AGMO: variants seen among roughly 807,000 people sequenced by gnomAD.
AGMO encodes alkylglycerol monooxygenase.
AGMO carries 75 observed loss-of-function variants against 60.2 expected under a neutral mutation model. That is an observed-to-expected ratio of 1.25 (90% CI 1.03 to 1.51). The LOEUF (loss-of-function observed/expected upper bound fraction) is 1.51, where lower values mean the gene tolerates loss of function less well. AGMO is among the 40% of genes most tolerant of loss of function. The probability of loss-of-function intolerance (pLI) is 0.00; values close to 1 mark genes in which losing one functional copy is unlikely to be tolerated. For synonymous variants in AGMO, 261 were observed against 177.1 expected (o/e 1.47, Z -3.76); for missense variants, 763 against 525.5 (o/e 1.45, Z -4.42).
At chr7:15,546,000 G>A (rs1389753730) in intron 2 of AGMO, among the ~76,000 whole-genome samples, 2 of 152,010 alleles carry the variant, frequency 1.3e-5, no homozygotes, top group African/African-American at 2.4e-5. Flanking sequence ...AAGAAGTGGT[G>A]CAGATTATTA....
chr7:15,394,319 C>G, intron 5 of AGMO, 140 bp from the exon 6 acceptor site: 1 of 659,368 alleles, frequency 1.5e-6, no homozygotes, highest in Non-Finnish European at 2.6e-6. Context: ...GAAAAAAGTT[C>G]CACTGAAATC....
intron 12 of AGMO, among the ~76,000 whole-genome samples, chr7:15,205,699 T>A (rs1383009952): frequency 6.6e-6 from 1 of 152,154 alleles, no homozygotes; most frequent in East Asian, 1.9e-4. Context: ...ATTGAAGGGT[T>A]ATTACTATTT....
the AGMO span, among the ~76,000 whole-genome samples, chr7:15,141,536 T>C: frequency 3.9e-5 from 6 of 152,096 alleles, no homozygotes; most frequent in Non-Finnish European, 7.4e-5. Flanking sequence ...CAGTGAGCAG[T>C]GATCGTGCCA....
At chr7:15,485,945 G>T (rs1409567271) in intron 3 of AGMO, among the ~76,000 whole-genome samples, 1 of 152,054 alleles carries the variant, frequency 6.6e-6, no homozygotes, top group Admixed American at 6.6e-5. Flanking sequence ...TCTCATTCAA[G>T]TGAAGTTCAA....
At chr7:15,251,739 G>T (rs370584618) in intron 12 of AGMO, among the ~76,000 whole-genome samples, 32 of 152,276 alleles carry the variant, frequency 2.1e-4, no homozygotes, top group African/African-American at 7.7e-4. Context: ...CAGCCATGTA[G>T]AAGATAACAG....
intron 12 of AGMO, among the ~76,000 whole-genome samples, chr7:15,272,049 C>CT (rs1355893689): frequency 6.6e-6 from 1 of 152,082 alleles, no homozygotes; most frequent in Non-Finnish European, 1.5e-5. Flanking sequence ...GATGAATTAT[C>CT]TTTTTGATGT....
chr7:15,186,204 A>G, the AGMO span, among the ~76,000 whole-genome samples: 1 of 152,218 alleles, frequency 6.6e-6, no homozygotes, highest in African/African-American at 2.4e-5. Context: ...AGCTTTGTTC[A>G]TGAGTTCCAG....
chr7:15,162,934 C>G, the AGMO span, among the ~76,000 whole-genome samples: 2 of 152,030 alleles, frequency 1.3e-5, no homozygotes, highest in South Asian at 2.1e-4. Flanking sequence ...ACTATGTTGA[C>G]TCTTGTAATG....
the AGMO span, among the ~76,000 whole-genome samples, chr7:15,194,627 G>A: frequency 0.011 from 1,655 of 152,188 alleles, 43 homozygotes; most frequent in African/African-American, 0.039. Context: ...AATATAAGTT[G>A]ATAAACATTT....
intron 12 of AGMO, among the ~76,000 whole-genome samples, chr7:15,287,396 C>A (rs575779017): frequency 7.2e-5 from 11 of 152,080 alleles, no homozygotes; most frequent in Non-Finnish European, 1.3e-4. Flanking sequence ...CTCCTCACCA[C>A]GCAGAGAAAC....
the AGMO span, among the ~76,000 whole-genome samples, chr7:15,170,764 T>G: frequency 6.6e-6 from 1 of 152,254 alleles, no homozygotes; most frequent in South Asian, 2.1e-4. Flanking sequence ...CCTTTTCCTG[T>G]TCCAGGATCC....
the AGMO span, among the ~76,000 whole-genome samples, chr7:15,172,276 G>A: frequency 5.9e-5 from 9 of 152,274 alleles, no homozygotes; most frequent in Non-Finnish European, 8.8e-5. Context: ...TAGAGGATAC[G>A]TCCCCAGACA....
At chr7:15,393,635 G>A (rs1784242631) in intron 6 of AGMO, among the ~76,000 whole-genome samples, 1 of 152,128 alleles carries the variant, frequency 6.6e-6, no homozygotes, top group Non-Finnish European at 1.5e-5. Context: ...TTTCTCGTCA[G>A]GGAAACGCAG....
intron 12 of AGMO, among the ~76,000 whole-genome samples, chr7:15,326,240 C>A (rs950548343): frequency 1.1e-4 from 17 of 152,082 alleles, no homozygotes; most frequent in African/African-American, 3.9e-4. Context: ...GGAGCCCAGG[C>A]ATCTATATGG....
At chr7:15,131,053 C>CTG in the AGMO span, among the ~76,000 whole-genome samples, 10,221 of 149,818 alleles carry the variant, frequency 0.068, 403 homozygotes, top group African/African-American at 0.11. Context: ...GCTTGTATTT[C>CTG]TGTGTGTGTG....
At chr7:15,404,456 T>G (rs997357420) in intron 5 of AGMO, among the ~76,000 whole-genome samples, 2 of 151,922 alleles carry the variant, frequency 1.3e-5, no homozygotes. Flanking sequence ...ATAAGTTATT[T>G]TGTTATTTTT....
At chr7:15,324,789 T>C (rs1033808224) in intron 12 of AGMO, among the ~76,000 whole-genome samples, 1 of 152,114 alleles carries the variant, frequency 6.6e-6, no homozygotes, top group Non-Finnish European at 1.5e-5. Flanking sequence ...CATTTCACAA[T>C]AGAGTTCGAG....
chr7:15,462,544 A>G (rs1011890672), intron 3 of AGMO, among the ~76,000 whole-genome samples: 4 of 152,158 alleles, frequency 2.6e-5, no homozygotes, highest in Admixed American at 2.6e-4. Flanking sequence ...TAAAAATAAA[A>G]GTTAATAGGC....
chr7:15,529,651 A>G (rs1472020973), intron 3 of AGMO, among the ~76,000 whole-genome samples: 1 of 55,412 alleles, frequency 1.8e-5, no homozygotes. Flanking sequence ...TATATACTAT[A>G]TATTCTATAT....
Sources: allele counts gnomAD v4.1 joint callset (sites outside exome capture counted in the v4.1 genomes callset), GRCh38; gene constraint gnomAD v4.1.1; transcripts MANE v1.5; gene names NCBI Gene and HGNC (gene_info 2026-07-23, HGNC 2026-07-21).